ZNHIT6: variants seen among roughly 807,000 people sequenced by gnomAD.
ZNHIT6 encodes the protein zinc finger HIT-type containing 6, also known as box C/D snoRNA protein 1.
In ZNHIT6, 45 loss-of-function variants were observed where a neutral mutation model predicts 57.2. The ratio of observed to expected loss-of-function variants is 0.79; its 90% confidence interval spans 0.62 to 1.01. The LOEUF (loss-of-function observed/expected upper bound fraction) is 1.01. Among genes scored for constraint, ZNHIT6 ranks in the 50% least tolerant of loss-of-function variants. ZNHIT6 has a pLI of 0.00. For missense variants in ZNHIT6, 528 were observed against 567.3 expected (o/e 0.93, Z 0.70); for synonymous variants, 188 against 190.0 (o/e 0.99, Z 0.09).
chr1:85,672,305 T>C (rs1661578529), intron 8 of ZNHIT6, among the ~76,000 whole-genome samples: 1 of 152,192 alleles, frequency 6.6e-6, no homozygotes, highest in African/African-American at 2.4e-5. Flanking sequence ...TGCTAGATTT[T>C]TACAGTTTTC....
intron 4 of ZNHIT6, among the ~76,000 whole-genome samples, chr1:85,705,345 G>A (rs1252576538): frequency 6.6e-6 from 1 of 152,014 alleles, no homozygotes; most frequent in East Asian, 1.9e-4. Context: ...TTCTCAAGTT[G>A]CTGGGAGTAC....
At chr1:85,669,519 C>A (rs1284738829) in intron 8 of ZNHIT6, among the ~76,000 whole-genome samples, 1 of 152,124 alleles carries the variant, frequency 6.6e-6, no homozygotes, top group East Asian at 1.9e-4. Flanking sequence ...TAACTAAAAC[C>A]AGCACAGGAG....
chr1:85,707,489 C>T, intron 1 of ZNHIT6, 140 bp downstream of exon 1: 2 of 873,680 alleles, frequency 2.3e-6, no homozygotes, highest in Non-Finnish European at 3.4e-6. Flanking sequence ...CCCACCCCCG[C>T]GAACGCCGTC....
At chr1:85,693,951 T>C (rs552343441) in intron 5 of ZNHIT6, among the ~76,000 whole-genome samples, 17 of 152,318 alleles carry the variant, frequency 1.1e-4, no homozygotes, top group African/African-American at 3.8e-4. Context: ...AGATGCTGAC[T>C]CTATTTTTTA....
At position 85,707,869 on chromosome 1, in the gene ZNHIT6, T is replaced by A. The variant is rs1201282418; in HGVS notation, c.416A>T (p.Glu139Val). The change falls in exon 1 of 10, where the codon GAA (glutamate) becomes GTA (valine). Residue 139 changes from glutamate (E) to valine (V), a missense_variant. Physicochemically the swap from Glu to Val is moderately radical, Grantham distance 121. Transcript: ENST00000370574. The stretch of plus-strand genomic sequence containing the variant: ...CATTACCTCTTCCTTTACCTTCTCT[T>A]CCTTTACCTCTGGTTCACCCACCTT... ...EAKVGEPEVK[E>V]EKVKEEVMDW... is the part of the protein sequence containing the mutation. 6 of 1,614,066 alleles carry A rather than the reference T, an allele frequency of 3.7e-6. 1 individual carries two copies. In the South Asian group the frequency reaches 6.6e-5, roughly 18 times the overall value.
intron 8 of ZNHIT6, among the ~76,000 whole-genome samples, chr1:85,670,838 G>A (rs1012975489): frequency 1.3e-5 from 2 of 152,174 alleles, no homozygotes; most frequent in Non-Finnish European, 2.9e-5. Context: ...AAGTCAAGAA[G>A]TAGTTGAAGA....
chr1:85,665,379 C>T (rs1485246339), intron 8 of ZNHIT6, among the ~76,000 whole-genome samples: 2 of 152,102 alleles, frequency 1.3e-5, no homozygotes, highest in Admixed American at 1.3e-4. Flanking sequence ...CCTGCCTCAG[C>T]CTCCCAAAGT....
chr1:85,654,138 T>C (rs772922845), intron 9 of ZNHIT6, 40 bp from the exon 10 acceptor site: 2 of 1,583,858 alleles, frequency 1.3e-6, no homozygotes, highest in Non-Finnish European at 1.7e-6. Flanking sequence ...AGTGTTTATA[T>C]TTTTCTGTTT....
At position 85,657,922 on chromosome 1, in the gene ZNHIT6, T is replaced by C; in HGVS notation, c.1297A>G (p.Lys433Glu). 1.3e-6 allele frequency: 2 copies of C among 1,596,326 alleles called. No individual in the cohort carries two copies. Among genetic ancestry groups the C allele is most frequent in the Non-Finnish European group, 1.7e-6 (2 of 1,166,954 alleles). The change falls in exon 9 of 10, where the codon AAA becomes GAA. Residue 433 changes from lysine to glutamate, a missense_variant. By Grantham distance (56) the Lys-to-Glu change is moderately conservative (BLOSUM62 1). Coordinates refer to ENST00000370574, the MANE Select transcript of ZNHIT6 (RefSeq NM_017953.4). ...YKSLLDNLRNKVIIEYPTLHV... is the reference protein window; with the variant it reads ...YKSLLDNLRNEVIIEYPTLHV... ...AATGTTGGATACTCAATGATCACTT[T>C]GTTCCTCAAATTGTCTAGGAGACTT...
At chr1:85,665,668 T>C (rs1306910912) in intron 8 of ZNHIT6, among the ~76,000 whole-genome samples, 1 of 152,174 alleles carries the variant, frequency 6.6e-6, no homozygotes, top group African/African-American at 2.4e-5. Flanking sequence ...TAAATCTTAA[T>C]CTTTAGTCTT....
Position 85,708,287 on chromosome 1 carries a change from A to G in ZNHIT6, c.-3T>C. 6.3e-7 allele frequency: 1 copy of G among 1,591,264 alleles called. No homozygotes were observed. Among genetic ancestry groups the G allele is most frequent in the Non-Finnish European group, 8.6e-7 (1 of 1,167,252 alleles). ...TCATTTTCAGCAGCAAACTCCATCA[A>G]CTCACGATCCTTGGCCTCTGCTGCC... On this transcript the variant is annotated 5_prime_UTR_variant, in exon 1 of 10. Coordinates refer to ENST00000370574, the MANE Select transcript of ZNHIT6 (RefSeq NM_017953.4).
chr1:85,672,119 T>C (rs1406429524), intron 8 of ZNHIT6, among the ~76,000 whole-genome samples: 4 of 152,170 alleles, frequency 2.6e-5, no homozygotes, highest in East Asian at 1.9e-4. Flanking sequence ...TTTTCAAAAG[T>C]AGTGTTCCTG....
chr1:85,651,064 A>G lies in ZNHIT6; in HGVS notation c.*2994T>C, dbSNP rs372779460. On this transcript the variant is annotated 3_prime_UTR_variant, in exon 10 of 10. Transcript: ENST00000370574. ...AGTAACATGAAATAAGGTACAACAC[A>G]AAGTATATGTCAACATAATTAAACA... 3.3e-5 allele frequency: 5 copies of G among 152,212 alleles called. No homozygotes were observed. The highest frequency in any genetic ancestry group is 3.8e-4 in the East Asian group (2 of 5,204). The allele number at this position is 152,212 out of a possible 1,614,324, so 9.4% of individuals were successfully genotyped here. A position where few individuals can be genotyped will look rare whatever the true frequency, so the allele number is the denominator to read the frequency against.
At chr1:85,688,743 G>A (rs1191120326) in intron 5 of ZNHIT6, among the ~76,000 whole-genome samples, 1 of 152,076 alleles carries the variant, frequency 6.6e-6, no homozygotes, top group Non-Finnish European at 1.5e-5. Context: ...TAGTAATGTT[G>A]GGAGAGAAGC....
chr1:85,678,730 A>C lies in ZNHIT6; in HGVS notation c.1140T>G (p.Pro380=). 1.3e-6 allele frequency: 2 copies of C among 1,592,960 alleles called. No homozygotes were observed. The highest frequency in any genetic ancestry group is 1.7e-6 in the Non-Finnish European group (2 of 1,169,650). ...GACGAATTACAGGATCAGACTTTTC[A>C]GGATCAATGTAAGGTTTTAGGATTT... is the stretch of plus-strand genomic sequence containing the variant. The part of the protein sequence containing the change: ...INEILKPYID[P]EKSDPVIRQR... Residue 380 remains proline, a synonymous_variant, in exon 7 of 10, where the codon CCT becomes CCG. Coordinates refer to ENST00000370574, the MANE Select transcript of ZNHIT6 (RefSeq NM_017953.4).
rs572733033 is a variant in ZNHIT6, at chr1:85,676,007, T to A, written c.1247+1229A>T. Among the ~76,000 whole-genome samples, 20 of 152,260 alleles carry A rather than the reference T, an allele frequency of 1.3e-4. No homozygotes were observed. In the South Asian group the frequency reaches 3.9e-3, roughly 30 times the overall value. The stretch of plus-strand genomic sequence containing the variant: ...ATGTTCGGGCTGGTTTGATCTTCTA[T>A]CCAGACCACTAAAACTTTCTCCCTA... On this transcript the variant is annotated intron_variant, in intron 8 of 9. Coordinates refer to ENST00000370574, the MANE Select transcript of ZNHIT6 (RefSeq NM_017953.4).
intron 8 of ZNHIT6, among the ~76,000 whole-genome samples, chr1:85,662,155 T>TAAA (rs5775861): frequency 1.4e-5 from 2 of 144,874 alleles, no homozygotes; most frequent in Non-Finnish European, 1.5e-5. Context: ...TAGTGTGCTT[T>TAAA]AAAAAAAAAA....
intron 5 of ZNHIT6, among the ~76,000 whole-genome samples, chr1:85,694,838 T>C (rs1662321157): frequency 6.6e-6 from 1 of 152,056 alleles, no homozygotes; most frequent in African/African-American, 2.4e-5. Flanking sequence ...TTAGGGGAAA[T>C]AGGAAACTTG....
At chr1:85,691,318 T>C (rs1264726250) in intron 5 of ZNHIT6, among the ~76,000 whole-genome samples, 1 of 152,232 alleles carries the variant, frequency 6.6e-6, no homozygotes, top group Non-Finnish European at 1.5e-5. Context: ...CGAAGATGAC[T>C]TACTCTGTTT....
Sources: allele counts gnomAD v4.1 joint callset (sites outside exome capture counted in the v4.1 genomes callset), GRCh38; gene constraint gnomAD v4.1.1; transcripts MANE v1.5; gene names NCBI Gene and HGNC (gene_info 2026-07-23, HGNC 2026-07-21).